The following GOLGB1 variants were observed in gnomAD, a reference collection of about 807,000 sequenced individuals.
The protein encoded by GOLGB1 is golgin subfamily B member 1.
GOLGB1 carries 174 observed loss-of-function variants against 336.9 expected under a neutral mutation model. The ratio of observed to expected loss-of-function variants is 0.52; its 90% CI spans 0.46 to 0.59. GOLGB1 has a LOEUF of 0.59. Ranked by LOEUF, GOLGB1 falls within the 20% of genes least tolerant of loss-of-function variation. The pLI, the probability that GOLGB1 is intolerant of heterozygous loss-of-function variation, is 0.00. For missense variants in GOLGB1, 3,331 were observed against 3,645.3 expected (o/e 0.91, Z 2.22); for synonymous variants, 1,208 against 1,289.2 (o/e 0.94, Z 1.35).
At position 121,714,869 on chromosome 3, in the gene GOLGB1, C is replaced by T. The variant is rs754092469; in HGVS notation, c.1396G>A (p.Gly466Ser). ...AGTTCACATTTAATTACCTGTGTGCCCTCATTATAAACATCTGGGAAAGAA... is the reference window on the plus strand; with the variant it reads ...AGTTCACATTTAATTACCTGTGTGCTCTCATTATAAACATCTGGGAAAGAA... ...QTSFPDVYNE[G>S]TQAVTEENIA... The change falls in exon 10 of 22, where the codon GGC (glycine) becomes AGC (serine). Residue 466 changes from glycine (G) to serine (S), a missense_variant. Coordinates refer to ENST00000614479, the MANE Select transcript of GOLGB1 (RefSeq NM_001366282.2). 2 of 1,578,612 alleles carry T rather than the reference C, an allele frequency of 1.3e-6. No homozygotes were observed. The highest frequency in any genetic ancestry group is 1.7e-6 in the Non-Finnish European group (2 of 1,148,000).
chr3:121,713,887 T>C, intron 10 of GOLGB1, among the ~76,000 whole-genome samples: 1 of 152,144 alleles, frequency 6.6e-6, no homozygotes, highest in East Asian at 1.9e-4. Context: ...GTGAAATGTA[T>C]TATAAATTTA....
chr3:121,710,809 ATCAC>A (rs1944295051), intron 10 of GOLGB1, among the ~76,000 whole-genome samples: 2 of 152,152 alleles, frequency 1.3e-5, no homozygotes, highest in African/African-American at 4.8e-5. Flanking sequence ...GTGAGCTGTC[ATCAC>A]ACCACTACAC....
rs1448907146 is a variant in GOLGB1 at position 121,694,781 on chromosome 3, G to A, written c.5742C>T (p.Thr1914=). The change falls in exon 13 of 22, where the codon ACC becomes ACT. Residue 1914 remains threonine, a synonymous_variant. Transcript: ENST00000614479. ...CTTCTTCTGCTGTCTCCTTTAGTTT[G>A]GTAACTCTGGAGAGTTCTTCTTGGA... The part of the protein sequence containing the change: ...QQIQEELSRV[T]KLKETAEEEK... 8 of 1,612,528 alleles carry A rather than the reference G, an allele frequency of 5.0e-6. No individual in the cohort carries two copies. The highest frequency in any genetic ancestry group is 1.7e-5 in the Admixed American group (1 of 59,990).
rs1939485543 is a variant in GOLGB1 at position 121,671,196 on chromosome 3, A to T, written c.9178-1841T>A. On this transcript the variant is annotated intron_variant, in intron 17 of 21. Transcript: ENST00000614479. ...TTGCTGACCTCTCCTCTAGCTTATA[A>T]GCTACTATATTTCACTGTATCTATA... 2.6e-5 allele frequency among the ~76,000 whole-genome samples: 4 copies of T among 152,342 alleles called. No homozygotes were observed. In the South Asian group the frequency reaches 8.3e-4, roughly 32 times the overall value.
chr3:121,742,617 T>C (rs1946954722), intron 1 of GOLGB1, among the ~76,000 whole-genome samples: 1 of 151,800 alleles, frequency 6.6e-6, no homozygotes, highest in African/African-American at 2.4e-5. Context: ...AATAGACAAA[T>C]GGGATCTAAT....
intron 10 of GOLGB1, among the ~76,000 whole-genome samples, chr3:121,704,633 AG>A (rs1943662145): frequency 6.6e-6 from 1 of 151,978 alleles, no homozygotes. Flanking sequence ...AAAATTAGCC[AG>A]GCGTGGTGAC....
At chr3:121,725,457 T>C (rs1945514876) in intron 5 of GOLGB1, among the ~76,000 whole-genome samples, 1 of 152,216 alleles carries the variant, frequency 6.6e-6, no homozygotes, top group African/African-American at 2.4e-5. Flanking sequence ...TAGTTCTCCC[T>C]TTTAGAATGA....
rs1338842167 is a variant in GOLGB1 at position 121,722,308 on chromosome 3, G to C, written c.602C>G (p.Thr201Ser). 6.2e-7 allele frequency: 1 copy of C among 1,612,828 alleles called. No individual in the cohort carries two copies. Among genetic ancestry groups the C allele is most frequent in the African/African-American group, 1.3e-5 (1 of 74,896 alleles). ...TGTCTGGCTGAGCTGGGCTTGTAAAGTGCTAATGAATTCTTCCTTCTCCTG... is the reference window on the plus strand; with the variant it reads ...TGTCTGGCTGAGCTGGGCTTGTAAACTGCTAATGAATTCTTCCTTCTCCTG... Reference protein sequence around the residue: ...QLQEKEEFISTLQAQLSQTQA... With the variant: ...QLQEKEEFISSLQAQLSQTQA... The change falls in exon 6 of 22, where the codon ACT (threonine) becomes AGT (serine). Residue 201 changes from threonine (T) to serine (S), a missense_variant. Coordinates refer to ENST00000614479, the MANE Select transcript of GOLGB1 (RefSeq NM_001366282.2).
chr3:121,668,709 G>A (rs1274100420), intron 18 of GOLGB1, among the ~76,000 whole-genome samples: 1 of 148,744 alleles, frequency 6.7e-6, no homozygotes, highest in Non-Finnish European at 1.5e-5. Flanking sequence ...TAAGTCTGCT[G>A]TGGATGCTTA....
In GOLGB1 at chr3:121,674,422, C is replaced by T. The variant is rs561365324; in HGVS notation, c.9177+2471G>A. Among the ~76,000 whole-genome samples, 3 of 152,264 alleles carry T rather than the reference C, an allele frequency of 2.0e-5. No homozygotes were observed. In the East Asian group the frequency reaches 5.8e-4, roughly 29 times the overall value. ...TATACTTTAAATAATCTCTAGATTA[C>T]TTATAATACCTAATACAATACAAAT... On this transcript the variant is annotated intron_variant, in intron 17 of 21. Coordinates refer to ENST00000614479, the MANE Select transcript of GOLGB1 (RefSeq NM_001366282.2).
intron 13 of GOLGB1, among the ~76,000 whole-genome samples, chr3:121,693,059 G>GA (rs1163643023): frequency 6.6e-6 from 1 of 152,010 alleles, no homozygotes; most frequent in Admixed American, 6.6e-5. Context: ...TGAAATTTGA[G>GA]AAAAAATAAC....
rs1476044552 is a variant in GOLGB1, at chr3:121,713,607, G to C, written c.1404+1254C>G. On this transcript the variant is annotated intron_variant, in intron 10 of 21. Transcript: ENST00000614479. ...TGGTGAAAAATCAGTAGTTGTCTTT[G>C]GAGGGGAAGGGTGAGGATGACTGTA... Among the ~76,000 whole-genome samples the C allele has an allele frequency of 2.6e-5, 4 of 152,130 alleles. No individual in the cohort carries two copies. In the East Asian group the frequency reaches 5.8e-4, roughly 22 times the overall value.
intron 14 of GOLGB1, among the ~76,000 whole-genome samples, chr3:121,688,063 GA>G (rs1941942241): frequency 6.6e-6 from 1 of 152,190 alleles, no homozygotes; most frequent in Admixed American, 6.5e-5. Context: ...AGATAGGAAT[GA>G]ATACAATTAC....
chr3:121,736,886 A>G (rs112076293), intron 1 of GOLGB1, among the ~76,000 whole-genome samples: 1 of 152,066 alleles, frequency 6.6e-6, no homozygotes, highest in Non-Finnish European at 1.5e-5. Context: ...CCTGGGTGCC[A>G]GAGTGAGACC....
At chr3:121,673,468 T>C (rs915825794) in intron 17 of GOLGB1, among the ~76,000 whole-genome samples, 3 of 152,190 alleles carry the variant, frequency 2.0e-5, no homozygotes, top group Non-Finnish European at 4.4e-5. Flanking sequence ...AAGAATGTCA[T>C]TGGTATTTTG....
chr3:121,734,838 A>G (rs1160724527), intron 1 of GOLGB1, among the ~76,000 whole-genome samples: 5 of 152,234 alleles, frequency 3.3e-5, no homozygotes, highest in Admixed American at 3.3e-4. Flanking sequence ...ACTCCTAGGC[A>G]TCTAACCAAG....
chr3:121,729,471 T>C, intron 3 of GOLGB1, 131 bp from the exon 4 acceptor site: 2 of 730,676 alleles, frequency 2.7e-6, no homozygotes, highest in Non-Finnish European at 4.4e-6. Context: ...TGGAGTGCAG[T>C]GGCACAATCA....
At chr3:121,699,064 T>G in intron 12 of GOLGB1, 135 bp from the exon 13 acceptor site, 1 of 615,016 alleles carries the variant, frequency 1.6e-6, no homozygotes, top group Non-Finnish European at 2.7e-6. Context: ...ACCATAACAC[T>G]GCTAAATCCT....
chr3:121,729,057 GA>G (rs374167251), intron 4 of GOLGB1, 130 bp downstream of exon 4: 2,146 of 501,534 alleles, frequency 4.3e-3, no homozygotes, highest in South Asian at 6.2e-3. Context: ...AGCTCTATAA[GA>G]AAAAAAAAAA....
Sources: allele counts gnomAD v4.1 joint callset (sites outside exome capture counted in the v4.1 genomes callset), GRCh38; gene constraint gnomAD v4.1.1; transcripts MANE v1.5; gene names NCBI Gene and HGNC (gene_info 2026-07-23, HGNC 2026-07-21).